RBM17: variants seen among roughly 807,000 people sequenced by gnomAD.
RBM17 encodes RNA binding motif protein 17, also known as splicing factor 45.
A neutral mutation model predicts 53.2 loss-of-function variants in RBM17; 7 were observed. The ratio of observed to expected loss-of-function variants is 0.13; its 90% CI spans 0.07 to 0.25. RBM17 has a LOEUF of 0.25. Among genes scored for constraint, RBM17 ranks in the 10% least tolerant of loss-of-function variants. The pLI is 1.00. For synonymous variants in RBM17, 167 were observed against 178.1 expected (o/e 0.94, Z 0.50); for missense variants, 257 against 496.7 (o/e 0.52, Z 4.59).
intron 2 of RBM17, among the ~76,000 whole-genome samples, chr10:6,098,843 C>T (rs1450396263): frequency 2.6e-5 from 4 of 152,090 alleles, no homozygotes; most frequent in African/African-American, 9.6e-5. Flanking sequence ...CCACCGTGTC[C>T]GGCCAATACA....
intron 1 of RBM17, among the ~76,000 whole-genome samples, chr10:6,092,762 G>C (rs1410533784): frequency 6.6e-6 from 1 of 152,228 alleles, no homozygotes; most frequent in African/African-American, 2.4e-5. Flanking sequence ...GCAGAGATTT[G>C]ATTTTATAAG....
chr10:6,110,022 C>T lies in RBM17; in HGVS notation c.599C>T (p.Pro200Leu). Reference sequence around the variant, plus strand: ...TTTCCTTATGAAGAGGACTCAAGACCTCGATCACAGTCTTCCAAAGCAGCC... The same window carrying T: ...TTTCCTTATGAAGAGGACTCAAGACTTCGATCACAGTCTTCCAAAGCAGCC... Reference protein sequence around the residue: ...RDFPYEEDSRPRSQSSKAAIP... With the variant: ...RDFPYEEDSRLRSQSSKAAIP... The change falls in exon 7 of 12, where the codon CCT becomes CTT. Residue 200 changes from proline (P) to leucine (L), a missense_variant. Transcript: ENST00000379888. 6.2e-7 allele frequency: 1 copy of T among 1,612,470 alleles called. No individual in the cohort carries two copies. Among genetic ancestry groups the T allele is most frequent in the South Asian group, 1.1e-5 (1 of 90,832 alleles).
rs71390124 is a variant in RBM17 at position 6,107,479 on chromosome 10, C to CTTTTTT, written c.506-1191_506-1186dup. On this transcript the variant is annotated intron_variant, in intron 5 of 11. Transcript: ENST00000379888. ...AGGTATGAGCCACTGCACCCGGCCT[C>CTTTTTT]TTTTTTTTTTTTTTTTTTTTTGGAG... Among the ~76,000 whole-genome samples, 390 of 56,566 alleles carry CTTTTTT rather than the reference C, an allele frequency of 6.9e-3. 40 individuals carry two copies. Among genetic ancestry groups the CTTTTTT allele is most frequent in the East Asian group, 0.011 (20 of 1,830 alleles). 37.1% of individuals were successfully genotyped at this position (56,566 alleles called of 152,430 possible).
At chr10:6,095,412 C>T (rs1052278795) in intron 1 of RBM17, among the ~76,000 whole-genome samples, 10 of 152,198 alleles carry the variant, frequency 6.6e-5, no homozygotes, top group South Asian at 6.2e-4. Context: ...AGGTTTTCAC[C>T]GTGTTGGCCA....
chr10:6,108,368 C>T (rs779779863), intron 5 of RBM17: 4 of 365,856 alleles, frequency 1.1e-5, no homozygotes, highest in Non-Finnish European at 2.0e-5. Flanking sequence ...TTACATTACT[C>T]TCTTTTTAAG....
At position 6,101,405 on chromosome 10, in the gene RBM17, T is replaced by C. The variant is rs760705732; in HGVS notation, c.240+18T>C. On this transcript the variant is annotated intron_variant, in intron 3 of 11. Coordinates refer to ENST00000379888, the MANE Select transcript of RBM17 (RefSeq NM_032905.5). ...GGCTGAAGGTAAGCCCGCGCCTGCC[T>C]GTGAGCTTGATACGTGTCTCTGTTC... is the stretch of plus-strand genomic sequence containing the variant. 1.7e-5 allele frequency: 26 copies of C among 1,499,516 alleles called. No homozygotes were observed. The highest frequency in any genetic ancestry group is 3.4e-5 in the South Asian group (3 of 87,750). The allele number at this position is 1,499,516 out of a possible 1,614,324, so 92.9% of individuals were successfully genotyped here.
chr10:6,110,529 T>G lies in RBM17; in HGVS notation c.704+402T>G, dbSNP rs566149971. Among the ~76,000 whole-genome samples the G allele has an allele frequency of 3.8e-4, 58 of 152,330 alleles. 1 individual carries two copies. In the South Asian group the frequency reaches 0.011, roughly 28 times the overall value. ...GCTTTCAGGTCATGGTTCTAAACCT[T>G]TGGTCTAAAAAACTCGGGGTCATTC... On this transcript the variant is annotated intron_variant, in intron 7 of 11. Coordinates refer to ENST00000379888, the MANE Select transcript of RBM17 (RefSeq NM_032905.5).
At chr10:6,105,342 T>C (rs1165871724) in intron 4 of RBM17, among the ~76,000 whole-genome samples, 2 of 152,246 alleles carry the variant, frequency 1.3e-5, no homozygotes, top group Non-Finnish European at 2.9e-5. Flanking sequence ...AAATAACTTA[T>C]AAACCTGATG....
At chr10:6,113,476 T>C in intron 8 of RBM17, 32 bp from the exon 9 acceptor site, 1 of 1,478,634 alleles carries the variant, frequency 6.8e-7, no homozygotes, top group Non-Finnish European at 9.5e-7. Flanking sequence ...TGCTCAGTTC[T>C]GTAACACATC....
At position 6,114,122 on chromosome 10, in the gene RBM17, A is replaced by G. The variant is rs775801085; in HGVS notation, c.1004A>G (p.Lys335Arg). Residue 335 changes from lysine (K) to arginine (R), a missense_variant, in exon 10 of 12, where the codon AAA becomes AGA. Transcript: ENST00000379888. The part of the protein sequence containing the change: ...ETKEECEKYG[K>R]VGKCVIFEIP... ...AAGGAAGAATGTGAAAAATATGGCA[A>G]AGTTGGAAAATGTGTGATATTTGAA... 6 of 1,610,968 alleles carry G rather than the reference A, an allele frequency of 3.7e-6. No individual in the cohort carries two copies. Among genetic ancestry groups the G allele is most frequent in the Non-Finnish European group, 5.1e-6 (6 of 1,177,390 alleles).
intron 10 of RBM17, 79 bp downstream of exon 10, chr10:6,114,226 G>C: frequency 1.2e-6 from 1 of 810,674 alleles, no homozygotes; most frequent in Non-Finnish European, 2.1e-6. Flanking sequence ...AACAGGACAG[G>C]GTATGCTATA....
Position 6,112,073 on chromosome 10 carries a change from A to T in RBM17, c.705-137A>T. 1.4e-6 allele frequency: 1 copy of T among 739,286 alleles called. No homozygotes were observed. Among genetic ancestry groups the T allele is most frequent in the Non-Finnish European group, 2.2e-6 (1 of 452,828 alleles). 45.8% of individuals were successfully genotyped at this position (739,286 alleles called of 1,614,324 possible). A position where few individuals can be genotyped will look rare whatever the true frequency, so the allele number is the denominator to read the frequency against. ...AGCTTCCATCTAATAGCCCACTCCT[A>T]GTTAATGAGTGACTTTGTTGAAGCC... On this transcript the variant is annotated intron_variant, in intron 7 of 11. Transcript: ENST00000379888. The surrounding 1 kb of genome is among the most constrained non-coding windows in gnomAD (Gnocchi z 4.4).
At chr10:6,098,727 C>A (rs1348790491) in intron 2 of RBM17, among the ~76,000 whole-genome samples, 1 of 152,112 alleles carries the variant, frequency 6.6e-6, no homozygotes, top group Non-Finnish European at 1.5e-5. Flanking sequence ...AGGCGCCCAC[C>A]ACTGCGCCTG....
At chr10:6,103,395 GTT>G (rs1247835722) in intron 3 of RBM17, among the ~76,000 whole-genome samples, 1 of 152,122 alleles carries the variant, frequency 6.6e-6, no homozygotes, top group African/African-American at 2.4e-5. Context: ...ATATGTAAAA[GTT>G]TTTTTCTTTG....
intron 3 of RBM17, among the ~76,000 whole-genome samples, chr10:6,102,651 C>G (rs1222856160): frequency 1.3e-5 from 2 of 152,070 alleles, no homozygotes; most frequent in African/African-American, 2.4e-5. Flanking sequence ...ATGAGTAAGC[C>G]TTTTTCCTCC....
intron 3 of RBM17, among the ~76,000 whole-genome samples, chr10:6,103,615 A>G (rs1840702164): frequency 6.6e-6 from 1 of 152,194 alleles, no homozygotes; most frequent in Admixed American, 6.5e-5. Context: ...GGAGCCCTAC[A>G]TTAAATACAT....
At chr10:6,107,211 CTG>C (rs1467596849) in intron 5 of RBM17, among the ~76,000 whole-genome samples, 1 of 152,228 alleles carries the variant, frequency 6.6e-6, no homozygotes, top group Non-Finnish European at 1.5e-5. Flanking sequence ...TGGAATCACT[CTG>C]TTGCCCAGGC....
intron 6 of RBM17, among the ~76,000 whole-genome samples, chr10:6,109,055 G>A (rs562969867): frequency 2.6e-5 from 4 of 150,944 alleles, no homozygotes; most frequent in African/African-American, 7.2e-5. Flanking sequence ...ACAGCAGATC[G>A]TTACAGTTTT....
At chr10:6,115,102 T>C (rs1326614556) in intron 10 of RBM17, 137 bp from the exon 11 acceptor site, 3 of 692,094 alleles carry the variant, frequency 4.3e-6, no homozygotes, top group East Asian at 5.5e-5. Context: ...ATTATACTTA[T>C]TTCCTTGGTA....
Sources: allele counts gnomAD v4.1 joint callset (sites outside exome capture counted in the v4.1 genomes callset), GRCh38; gene constraint gnomAD v4.1.1; non-coding constraint Gnocchi (gnomAD v3.1); transcripts MANE v1.5; gene names NCBI Gene and HGNC (gene_info 2026-07-23, HGNC 2026-07-21).